SPATA13: variants seen among roughly 807,000 people sequenced by gnomAD.
The protein encoded by SPATA13 is spermatogenesis associated 13, also known as spermatogenesis-associated protein 13.
In SPATA13, 50 loss-of-function variants were observed where a neutral mutation model predicts 104.0. The observed-to-expected ratio is 0.48, with a 90% confidence interval of 0.38 to 0.61. SPATA13 has a LOEUF of 0.61. Ranked by LOEUF, SPATA13 falls within the 20% of genes least tolerant of loss-of-function variation. SPATA13 has a pLI of 0.00. For missense variants in SPATA13, 1,524 were observed against 1,690.6 expected, an observed-to-expected ratio of 0.90 and a Z score of 1.73; for synonymous variants, 606 against 667.5, an observed-to-expected ratio of 0.91 and a Z score of 1.42.
chr13:24,139,463 ATT>A (rs201841944), intron 3 of SPATA13, among the ~76,000 whole-genome samples: 2,358 of 152,308 alleles, frequency 0.015, 64 homozygotes, highest in African/African-American at 0.055. Context: ...CTCCTCTGGG[ATT>A]GTATCACTGG....
intron 3 of SPATA13, among the ~76,000 whole-genome samples, chr13:24,032,784 TG>T (rs978210967): frequency 2.6e-5 from 4 of 152,210 alleles, no homozygotes; most frequent in African/African-American, 9.7e-5. Context: ...TACATTGGGG[TG>T]GCCTTACCCT....
chr13:24,167,757 T>G (rs1882807168), intron 1 of SPATA13, among the ~76,000 whole-genome samples: 1 of 152,244 alleles, frequency 6.6e-6, no homozygotes, highest in African/African-American at 2.4e-5. Flanking sequence ...TAAATTTCAT[T>G]GTTATAAACC....
At chr13:24,100,047 A>G (rs1880205963) in intron 3 of SPATA13, among the ~76,000 whole-genome samples, 1 of 152,192 alleles carries the variant, frequency 6.6e-6, no homozygotes, top group Non-Finnish European at 1.5e-5. Context: ...AGTGCTGGTG[A>G]CAACAGTATT....
intron 1 of SPATA13, among the ~76,000 whole-genome samples, chr13:23,982,596 A>G (rs992190618): frequency 1.2e-4 from 18 of 152,304 alleles, no homozygotes; most frequent in Non-Finnish European, 2.5e-4. Context: ...CTACTGTGAA[A>G]TGCTAGGGAG....
At chr13:24,270,724 G>C (rs150055493) in intron 4 of SPATA13, 1 of 1,536,674 alleles carries the variant, frequency 6.5e-7, no homozygotes, top group Non-Finnish European at 8.8e-7. Context: ...CGCATACAAC[G>C]TCAAAGCAGT....
chr13:24,276,183 G>C (rs888359701), intron 4 of SPATA13, among the ~76,000 whole-genome samples: 1 of 152,180 alleles, frequency 6.6e-6, no homozygotes, highest in Non-Finnish European at 1.5e-5. Context: ...CAATAGCCAA[G>C]TAGTAAAAGG....
At chr13:24,242,008 G>A (rs1331574535) in intron 2 of SPATA13, among the ~76,000 whole-genome samples, 1 of 151,572 alleles carries the variant, frequency 6.6e-6, no homozygotes, top group Non-Finnish European at 1.5e-5. Flanking sequence ...AGCACAGATC[G>A]CGCTACTTAC....
intron 1 of SPATA13, among the ~76,000 whole-genome samples, chr13:24,169,649 T>G (rs184047672): frequency 6.6e-6 from 1 of 152,200 alleles, no homozygotes; most frequent in African/African-American, 2.4e-5. Context: ...AGGTGCCCAG[T>G]GTCGCTTCTC....
chr13:24,255,879 T>C (rs980407504), intron 4 of SPATA13, among the ~76,000 whole-genome samples: 10 of 152,310 alleles, frequency 6.6e-5, no homozygotes, highest in South Asian at 2.1e-4. Flanking sequence ...TTGAGACACG[T>C]TGGGGAGATT....
At position 24,303,243 on chromosome 13, in the gene SPATA13, A is replaced by G. The variant is rs2138784389; in HGVS notation, c.*470A>G. The G allele has an allele frequency of 2.3e-6, 1 of 429,984 alleles. No homozygotes were observed. Among genetic ancestry groups the G allele is most frequent in the Middle Eastern group, 3.4e-4 (1 of 2,962 alleles). 26.6% of individuals were successfully genotyped at this position (429,984 alleles called of 1,614,324 possible). ...GACACAATGCTGCACGTGTCTGGTC[A>G]CACTTAGAAATTGAGCTCTTACTCT... On this transcript the variant is annotated 3_prime_UTR_variant, in exon 13 of 13. Coordinates refer to ENST00000382108, the MANE Select transcript of SPATA13 (RefSeq NM_001166271.3).
intron 1 of SPATA13, among the ~76,000 whole-genome samples, chr13:24,174,683 T>G (rs371535457): frequency 6.6e-6 from 1 of 152,176 alleles, no homozygotes; most frequent in East Asian, 1.9e-4. Context: ...TTCAAGCTAT[T>G]CTCCTGCCTC....
chr13:24,285,167 C>T lies in SPATA13; in HGVS notation c.2301+896C>T, dbSNP rs549647458. The stretch of plus-strand genomic sequence containing the variant: ...GGAGATGGGCAAAATCACCTGCTCC[C>T]GTGGCCAGGGGATGGAGGAGCCACA... On this transcript the variant is annotated intron_variant, in intron 5 of 12. Coordinates refer to ENST00000382108, the MANE Select transcript of SPATA13 (RefSeq NM_001166271.3). Among the ~76,000 whole-genome samples the T allele has an allele frequency of 3.3e-5, 5 of 152,224 alleles. No homozygotes were observed. The South Asian group carries it at 8.3e-4, about 25-fold the overall frequency.
chr13:24,007,279 G>C (rs530102835), intron 2 of SPATA13, among the ~76,000 whole-genome samples: 1 of 152,340 alleles, frequency 6.6e-6, no homozygotes, highest in African/African-American at 2.4e-5. Context: ...GAAAGGCCAG[G>C]CTAGGCCACT....
intron 2 of SPATA13, among the ~76,000 whole-genome samples, chr13:24,235,059 A>G (rs1323388604): frequency 1.3e-5 from 2 of 152,256 alleles, no homozygotes; most frequent in Non-Finnish European, 2.9e-5. Context: ...AATCGGGTTA[A>G]TAGTAGCTTT....
intron 3 of SPATA13, among the ~76,000 whole-genome samples, chr13:24,035,767 A>G (rs1877655801): frequency 6.6e-6 from 1 of 152,136 alleles, no homozygotes; most frequent in Non-Finnish European, 1.5e-5. Context: ...TTCTCCCAGC[A>G]CTTTAGGAGG....
intron 8 of SPATA13, 136 bp downstream of exon 8, chr13:24,289,314 TCTATC>T (rs1876172180): frequency 1.4e-6 from 1 of 705,342 alleles, no homozygotes; most frequent in African/African-American, 1.8e-5. Context: ...AGATGTTTCT[TCTATC>T]TTATATGCTT....
rs548456260 is a variant in SPATA13 at position 24,184,864 on chromosome 13, G to A, written c.-112+23932G>A. ...TATTTTGATGAAAGGCAGTGTAAAA[G>A]GAAAATCCATTGTTTTCCTGTTGTT... On this transcript the variant is annotated intron_variant, in intron 1 of 12. Transcript: ENST00000382108. Among the ~76,000 whole-genome samples, 5 of 152,174 alleles carry A rather than the reference G, an allele frequency of 3.3e-5. No homozygotes were observed. The South Asian group carries it at 1.0e-3, about 32-fold the overall frequency.
At position 24,026,068 on chromosome 13, in the gene SPATA13, C is replaced by T. The variant is rs183906827; in HGVS notation, c.-112+8367C>T. ...TCCACCTGCCTCGGCCTTCTAAATA[C>T]CTTTTCTTTTTACTGGGTTGCTAGT... is the stretch of plus-strand genomic sequence containing the variant. On this transcript the variant is annotated intron_variant, in intron 3 of 14. Coordinates refer to the SPATA13 transcript ENST00000424834. 4.5e-4 allele frequency among the ~76,000 whole-genome samples: 68 copies of T among 152,152 alleles called. No homozygotes were observed. In the East Asian group the frequency reaches 0.012, roughly 28 times the overall value.
intron 2 of SPATA13, among the ~76,000 whole-genome samples, chr13:24,005,276 G>A (rs1876170874): frequency 6.6e-6 from 1 of 152,170 alleles, no homozygotes; most frequent in African/African-American, 2.4e-5. Flanking sequence ...TACCGTGTTT[G>A]CTAAATCTGG....
Sources: allele counts gnomAD v4.1 joint callset (sites outside exome capture counted in the v4.1 genomes callset), GRCh38; gene constraint gnomAD v4.1.1; transcripts MANE v1.5; gene names NCBI Gene and HGNC (gene_info 2026-07-23, HGNC 2026-07-21).